MAP2K1: variants seen among roughly 807,000 people sequenced by gnomAD.
MAP2K1 encodes dual specificity mitogen-activated protein kinase kinase 1.
A neutral mutation model predicts 46.3 loss-of-function variants in MAP2K1; 16 were observed. The observed-to-expected ratio is 0.35, with a 90% CI of 0.23 to 0.52. MAP2K1 has a LOEUF of 0.52. Ranked by LOEUF, MAP2K1 falls within the 20% of genes least tolerant of loss-of-function variation. MAP2K1 has a pLI of 0.94. For missense variants in MAP2K1, 263 were observed against 497.1 expected (o/e 0.53, Z 4.48); for synonymous variants, 183 against 185.6 (o/e 0.99, Z 0.11).
intron 7 of MAP2K1, among the ~76,000 whole-genome samples, chr15:66,485,905 T>C (rs1056204245): frequency 6.6e-6 from 1 of 151,992 alleles, no homozygotes; most frequent in Non-Finnish European, 1.5e-5. Context: ...TTTTTTGTTT[T>C]GTTTTGTTTT....
intron 5 of MAP2K1, among the ~76,000 whole-genome samples, chr15:66,469,717 C>CACACACACACACACACACACAT (rs1892570360): frequency 6.9e-6 from 1 of 145,628 alleles, no homozygotes; most frequent in South Asian, 2.3e-4. Context: ...CACACACACA[C>CACACACACACACACACACACAT]ACACACATAT....
At chr15:66,437,138 C>T (rs1254660860) in intron 3 of MAP2K1, among the ~76,000 whole-genome samples, 1 of 152,140 alleles carries the variant, frequency 6.6e-6, no homozygotes, top group African/African-American at 2.4e-5. Flanking sequence ...CCTAGAGCAC[C>T]TCTCATAGTT....
chr15:66,432,403 G>C (rs1033725928), intron 1 of MAP2K1, among the ~76,000 whole-genome samples: 1 of 152,220 alleles, frequency 6.6e-6, no homozygotes, highest in Admixed American at 6.5e-5. Flanking sequence ...TCCAGAAGGT[G>C]TAAGAATTAC....
chr15:66,473,435 A>G (rs1039664437), intron 5 of MAP2K1, among the ~76,000 whole-genome samples: 7 of 152,164 alleles, frequency 4.6e-5, no homozygotes, highest in Admixed American at 3.3e-4. Context: ...TTACTTGGGC[A>G]TGGTGGCGTG....
At chr15:66,411,885 CAA>C (rs2093412169) in intron 1 of MAP2K1, among the ~76,000 whole-genome samples, 2 of 152,320 alleles carry the variant, frequency 1.3e-5, no homozygotes, top group East Asian at 3.9e-4. Context: ...TGATACAGGA[CAA>C]GAGTGTGCTT....
intron 1 of MAP2K1, 52 bp downstream of exon 1, chr15:66,387,479 C>G (rs1381687015): frequency 9.2e-6 from 14 of 1,524,004 alleles, no homozygotes; most frequent in Non-Finnish European, 1.2e-5. Context: ...GAGGCCCGAG[C>G]CGGGGAGCAG....
intron 1 of MAP2K1, among the ~76,000 whole-genome samples, chr15:66,411,334 G>C (rs1422337814): frequency 4.6e-5 from 7 of 152,100 alleles, no homozygotes; most frequent in Admixed American, 4.6e-4. Context: ...GTCTGAAAGA[G>C]TTAAAGCTCC....
intron 1 of MAP2K1, among the ~76,000 whole-genome samples, chr15:66,408,215 G>C (rs1012258413): frequency 1.3e-5 from 2 of 152,220 alleles, no homozygotes; most frequent in African/African-American, 4.8e-5. Context: ...TTTCTATCAG[G>C]TGAGAAGGAG....
intron 5 of MAP2K1, among the ~76,000 whole-genome samples, chr15:66,480,990 C>A (rs1473905356): frequency 1.3e-5 from 2 of 152,110 alleles, no homozygotes; most frequent in African/African-American, 4.8e-5. Context: ...AAACTAAGGG[C>A]CAATGTACTG....
chr15:66,454,426 T>C (rs1892112389), intron 5 of MAP2K1, among the ~76,000 whole-genome samples: 1 of 152,244 alleles, frequency 6.6e-6, no homozygotes, highest in Admixed American at 6.5e-5. Flanking sequence ...CCTAAAGGGT[T>C]GTATGCAGAT....
intron 5 of MAP2K1, among the ~76,000 whole-genome samples, chr15:66,462,992 G>A (rs1260921094): frequency 1.3e-5 from 2 of 152,146 alleles, no homozygotes; most frequent in African/African-American, 2.4e-5. Flanking sequence ...CTGTCCAGAG[G>A]GCAGGAGGAA....
chr15:66,445,850 G>A (rs1891853702), intron 5 of MAP2K1, among the ~76,000 whole-genome samples: 1 of 152,032 alleles, frequency 6.6e-6, no homozygotes, highest in Admixed American at 6.6e-5. Flanking sequence ...GAACTTTTTG[G>A]GGTGACACAA....
chr15:66,489,348 C>T (rs2140683242), intron 9 of MAP2K1, 72 bp downstream of exon 9: 1 of 1,378,982 alleles, frequency 7.3e-7, no homozygotes, highest in South Asian at 1.2e-5. Context: ...TTTCTGGAAG[C>T]ACCAGCATTG....
chr15:66,488,956 C>T (rs1484225679), intron 8 of MAP2K1: 4 of 569,906 alleles, frequency 7.0e-6, no homozygotes, highest in African/African-American at 3.8e-5. Flanking sequence ...TCAAAATCAC[C>T]CGACAAGTGA....
At chr15:66,438,596 G>A (rs1157824497) in intron 3 of MAP2K1, among the ~76,000 whole-genome samples, 2 of 152,098 alleles carry the variant, frequency 1.3e-5, no homozygotes, top group Non-Finnish European at 2.9e-5. Flanking sequence ...AAATGACACT[G>A]GAAATGACTG....
At chr15:66,443,082 A>AAT (rs2093509006) in intron 3 of MAP2K1, among the ~76,000 whole-genome samples, 198 bp from the exon 4 acceptor site, 1 of 91,060 alleles carries the variant, frequency 1.1e-5, no homozygotes, top group East Asian at 3.2e-4. Flanking sequence ...TTGTGTGTGT[A>AAT]TTTTTTTTTT....
intron 1 of MAP2K1, among the ~76,000 whole-genome samples, chr15:66,420,941 A>C (rs1455848525): frequency 2.1e-5 from 2 of 95,448 alleles, no homozygotes; most frequent in African/African-American, 6.3e-5. Flanking sequence ...ACACACATAC[A>C]TATATACATA....
At chr15:66,404,824 A>G (rs927396889) in intron 1 of MAP2K1, among the ~76,000 whole-genome samples, 8 of 152,126 alleles carry the variant, frequency 5.3e-5, no homozygotes, top group African/African-American at 1.2e-4. Context: ...GGCACAGAGG[A>G]CTTGGGTTAC....
chr15:66,414,164 G>C (rs773797303), intron 1 of MAP2K1, among the ~76,000 whole-genome samples: 1 of 151,960 alleles, frequency 6.6e-6, no homozygotes, highest in Non-Finnish European at 1.5e-5. Context: ...TAATCCTCTT[G>C]TCGCCTGTGA....
Sources: allele counts gnomAD v4.1 joint callset (sites outside exome capture counted in the v4.1 genomes callset), GRCh38; gene constraint gnomAD v4.1.1; transcripts MANE v1.5; gene names NCBI Gene and HGNC (gene_info 2026-07-23, HGNC 2026-07-21).